The following PEBP4 variants were observed in gnomAD, a reference collection of about 807,000 sequenced individuals.
The protein encoded by PEBP4 is phosphatidylethanolamine binding protein 4.
In PEBP4, 22 loss-of-function variants were observed where a neutral mutation model predicts 23.9. The ratio of observed to expected loss-of-function variants is 0.92; its 90% CI spans 0.66 to 1.31. The LOEUF (loss-of-function observed/expected upper bound fraction) is 1.31, where lower values mean the gene tolerates loss of function less well. Ranked by LOEUF, PEBP4 falls within the 40% of genes most tolerant of loss-of-function variation. The pLI, the probability that PEBP4 is intolerant of heterozygous loss-of-function variation, is 0.00. For missense variants in PEBP4, 324 were observed against 281.7 expected (o/e 1.15, Z -1.07); for synonymous variants, 112 against 99.3 (o/e 1.13, Z -0.76).
intron 2 of PEBP4, among the ~76,000 whole-genome samples, chr8:22,927,072 G>A (rs1045971863): frequency 4.6e-5 from 7 of 152,172 alleles, no homozygotes; most frequent in African/African-American, 1.7e-4. Context: ...GAAGAAGCCA[G>A]CCTCGTCACC....
intron 4 of PEBP4, among the ~76,000 whole-genome samples, chr8:22,766,572 T>C (rs937060498): frequency 1.3e-5 from 2 of 152,214 alleles, no homozygotes; most frequent in Admixed American, 6.5e-5. Flanking sequence ...ATCTCTGCGA[T>C]GATGCGACCT....
chr8:22,920,387 C>T lies in PEBP4; in HGVS notation c.132-77G>A, dbSNP rs1159707170. 4 of 1,469,022 alleles carry T rather than the reference C, an allele frequency of 2.7e-6. No homozygotes were observed. In the African/African-American group the frequency reaches 4.2e-5, roughly 15 times the overall value. 91.0% of individuals were successfully genotyped at this position (1,469,022 alleles called of 1,614,324 possible). On this transcript the variant is annotated intron_variant, in intron 2 of 6. Coordinates refer to ENST00000256404, the MANE Select transcript of PEBP4 (RefSeq NM_144962.3). Reference sequence around the variant, plus strand: ...GGGTTCCCAAGGCTTCAGTCTAGCACTATTGGGAATGTAAAGTGAAATGGG... The same window carrying T: ...GGGTTCCCAAGGCTTCAGTCTAGCATTATTGGGAATGTAAAGTGAAATGGG...
intron 3 of PEBP4, among the ~76,000 whole-genome samples, chr8:22,900,033 C>T (rs1374840354): frequency 1.3e-5 from 2 of 151,996 alleles, no homozygotes; most frequent in African/African-American, 4.8e-5. Context: ...CCTGCATGAC[C>T]TCTGGCAAGA....
intron 4 of PEBP4, chr8:22,744,528 G>C (rs764945479): frequency 1.3e-5 from 2 of 152,274 alleles, no homozygotes; most frequent in Non-Finnish European, 2.9e-5. Flanking sequence ...GGGCAGAGGA[G>C]CCCACGCATG....
chr8:22,919,901 G>A (rs117737304), intron 3 of PEBP4, among the ~76,000 whole-genome samples: 2,614 of 152,246 alleles, frequency 0.017, 30 homozygotes, highest in Non-Finnish European at 0.027. Context: ...CAGATCTCAG[G>A]GGCAGCCAAG....
At chr8:22,872,737 C>T (rs1423273615) in intron 3 of PEBP4, among the ~76,000 whole-genome samples, 3 of 152,150 alleles carry the variant, frequency 2.0e-5, no homozygotes, top group Admixed American at 6.5e-5. Flanking sequence ...AGTACAGTGG[C>T]GTGATCTGGG....
chr8:22,723,718 C>T (rs1226242676), intron 6 of PEBP4, among the ~76,000 whole-genome samples: 2 of 152,228 alleles, frequency 1.3e-5, no homozygotes, highest in African/African-American at 4.8e-5. Flanking sequence ...CACGGATTGG[C>T]AAGGTGCTGA....
rs1425401185 is a variant in PEBP4 at position 22,917,136 on chromosome 8, G to T, written c.258+3048C>A. On this transcript the variant is annotated intron_variant, in intron 3 of 6. Transcript: ENST00000256404. ...TTTGCTGGGGGCGGGGGAGGGGGGG[G>T]TGTTCCCAGGCATGTCCAATGGCAG... 6.0e-5 allele frequency among the ~76,000 whole-genome samples: 9 copies of T among 149,296 alleles called. No individual in the cohort carries two copies. In the South Asian group the frequency reaches 1.7e-3, roughly 29 times the overall value.
intron 4 of PEBP4, among the ~76,000 whole-genome samples, chr8:22,770,010 C>A (rs1805685939): frequency 6.6e-6 from 1 of 152,160 alleles, no homozygotes; most frequent in South Asian, 2.1e-4. Context: ...CTCTTGTCCA[C>A]CCCGCCGCCT....
Position 22,865,661 on chromosome 8 carries a change from G to A in PEBP4, c.259-47926C>T, listed in dbSNP as rs1293636585. On this transcript the variant is annotated intron_variant, in intron 3 of 6. Transcript: ENST00000256404. The surrounding 1 kb of genome is among the most constrained non-coding windows in gnomAD (Gnocchi z 6.9). ...CCTCGGATGCTGCCCGGGAGGAGGA[G>A]GCAAAGGAAGACTCCGTTCCAGCCA... Among the ~76,000 whole-genome samples, 3 of 152,162 alleles carry A rather than the reference G, an allele frequency of 2.0e-5. No individual in the cohort carries two copies. Among genetic ancestry groups the A allele is most frequent in the Non-Finnish European group, 4.4e-5 (3 of 68,000 alleles).
chr8:22,819,248 A>G (rs1408458286), intron 3 of PEBP4, among the ~76,000 whole-genome samples: 1 of 152,192 alleles, frequency 6.6e-6, no homozygotes, highest in African/African-American at 2.4e-5. Flanking sequence ...TTGGGGGAAC[A>G]CCTGGAAAGC....
At chr8:22,841,256 C>T (rs1371917438) in intron 3 of PEBP4, among the ~76,000 whole-genome samples, 1 of 152,286 alleles carries the variant, frequency 6.6e-6, no homozygotes, top group Admixed American at 6.5e-5. Flanking sequence ...CCACTCTCTT[C>T]TGTGGCCCTT....
At chr8:22,889,328 A>T (rs1436937779) in intron 3 of PEBP4, among the ~76,000 whole-genome samples, 2 of 152,220 alleles carry the variant, frequency 1.3e-5, no homozygotes, top group African/African-American at 4.8e-5. Context: ...AGGCTGGGCC[A>T]TCTGAGCCCC....
chr8:22,893,751 AAC>A lies in PEBP4; in HGVS notation c.258+26431_258+26432del, dbSNP rs541136102. Among the ~76,000 whole-genome samples, 595 of 152,314 alleles carry A rather than the reference AAC, an allele frequency of 3.9e-3. 2 individuals carry two copies. Among genetic ancestry groups the A allele is most frequent in the African/African-American group, 0.012 (518 of 41,566 alleles). ...CAGCAATAGAAACTATTCAAAATAAAACACAGAGAGAAAAAAGACTGAAAAAA... is the reference window on the plus strand; with the variant it reads ...CAGCAATAGAAACTATTCAAAATAAAACAGAGAGAAAAAAGACTGAAAAAA... On this transcript the variant is annotated intron_variant, in intron 3 of 6. Transcript: ENST00000256404.
At chr8:22,898,086 G>A (rs1808626110) in intron 3 of PEBP4, among the ~76,000 whole-genome samples, 2 of 152,092 alleles carry the variant, frequency 1.3e-5, no homozygotes, top group South Asian at 2.1e-4. Flanking sequence ...GAAAATAAAT[G>A]TCTGTTGTTA....
At chr8:22,869,533 C>A (rs1189997832) in intron 3 of PEBP4, among the ~76,000 whole-genome samples, 1 of 152,194 alleles carries the variant, frequency 6.6e-6, no homozygotes, top group Non-Finnish European at 1.5e-5. Context: ...CATGCTCCCC[C>A]ATAGCTGCTC....
At chr8:22,916,309 A>AT in intron 3 of PEBP4, among the ~76,000 whole-genome samples, 1 of 152,140 alleles carries the variant, frequency 6.6e-6, no homozygotes, top group Non-Finnish European at 1.5e-5. Context: ...AACGGGATGC[A>AT]TTTTTAAATG....
intron 4 of PEBP4, among the ~76,000 whole-genome samples, chr8:22,743,239 G>T (rs1231117550): frequency 6.6e-6 from 1 of 152,186 alleles, no homozygotes; most frequent in African/African-American, 2.4e-5. Context: ...CTGCCTGAGA[G>T]TGGAGGCTAC....
chr8:22,741,902 G>A (rs1805003267), intron 4 of PEBP4, among the ~76,000 whole-genome samples: 1 of 152,174 alleles, frequency 6.6e-6, no homozygotes, highest in Non-Finnish European at 1.5e-5. Flanking sequence ...ACAGTGCGCA[G>A]GGACACGAGG....
Sources: allele counts gnomAD v4.1 joint callset (sites outside exome capture counted in the v4.1 genomes callset), GRCh38; gene constraint gnomAD v4.1.1; non-coding constraint Gnocchi (gnomAD v3.1); transcripts MANE v1.5; gene names NCBI Gene and HGNC (gene_info 2026-07-23, HGNC 2026-07-21).